Variants in ZMYND11 observed in about 807,000 individuals in gnomAD.
ZMYND11 encodes the protein zinc finger MYND-type containing 11.
Under a neutral mutation model 84.9 loss-of-function variants are expected in ZMYND11, and 9 were observed. The ratio of observed to expected loss-of-function variants is 0.11; its 90% CI spans 0.06 to 0.18. The LOEUF (loss-of-function observed/expected upper bound fraction) is 0.18. Among genes scored for constraint, ZMYND11 ranks in the 10% least tolerant of loss-of-function variants. ZMYND11 has a pLI of 1.00. For synonymous variants in ZMYND11, 250 were observed against 244.1 expected (o/e 1.02, Z -0.23); for missense variants, 409 against 761.0 (o/e 0.54, Z 5.44).
chr10:242,503 TTAAAGACA>T (rs1345902825), intron 10 of ZMYND11, among the ~76,000 whole-genome samples: 1 of 152,186 alleles, frequency 6.6e-6, no homozygotes, highest in Non-Finnish European at 1.5e-5. Flanking sequence ...CAAGGCTCAG[TTAAAGACA>T]TATAGACTAA....
chr10:248,195 C>T (rs919740133), intron 12 of ZMYND11, 141 bp from the exon 13 acceptor site: 3 of 1,047,858 alleles, frequency 2.9e-6, no homozygotes, highest in African/African-American at 3.2e-5. Context: ...GTGACATCTA[C>T]CACCCTAACT....
chr10:241,842 G>A (rs1951009676), intron 9 of ZMYND11, among the ~76,000 whole-genome samples, 179 bp from the exon 10 acceptor site: 1 of 151,946 alleles, frequency 6.6e-6, no homozygotes, highest in African/African-American at 2.4e-5. Flanking sequence ...GTTCATGTTG[G>A]CACTCTGATG....
chr10:232,615 G>GA (rs2131603834), intron 4 of ZMYND11, among the ~76,000 whole-genome samples: 1 of 152,324 alleles, frequency 6.6e-6, no homozygotes, highest in South Asian at 2.1e-4. Context: ...CAGTGCTTGA[G>GA]AAGGGCTTCA....
At chr10:162,312 C>A (rs1411639787) in intron 1 of ZMYND11, among the ~76,000 whole-genome samples, 1 of 152,026 alleles carries the variant, frequency 6.6e-6, no homozygotes, top group Non-Finnish European at 1.5e-5. Flanking sequence ...CACCATAACT[C>A]AATAACAATA....
intron 4 of ZMYND11, among the ~76,000 whole-genome samples, chr10:233,162 G>A (rs1380254317): frequency 1.3e-5 from 2 of 152,160 alleles, no homozygotes; most frequent in Non-Finnish European, 2.9e-5. Flanking sequence ...TCCCGCAGCC[G>A]ATTGTATCAG....
chr10:156,477 GT>G (rs1554759097), intron 1 of ZMYND11, among the ~76,000 whole-genome samples: 1 of 152,128 alleles, frequency 6.6e-6, no homozygotes, highest in Non-Finnish European at 1.5e-5. Context: ...GTATTTTGGT[GT>G]TTTATTTACA....
At chr10:134,886 G>C (rs1160755822), upstream of ZMYND11, 1 of 151,668 alleles carries the variant, frequency 6.6e-6, no homozygotes, top group South Asian at 2.1e-4. Context: ...GACAGGACGT[G>C]GGGAAGGTAG....
chr10:214,672 T>C (rs562953960), intron 3 of ZMYND11, among the ~76,000 whole-genome samples: 1 of 152,362 alleles, frequency 6.6e-6, no homozygotes, highest in African/African-American at 2.4e-5. Context: ...TTCAAGACTT[T>C]TTTCTTTTGA....
chr10:176,598 T>G (rs1157166313), intron 1 of ZMYND11, among the ~76,000 whole-genome samples: 1 of 152,192 alleles, frequency 6.6e-6, no homozygotes, highest in Non-Finnish European at 1.5e-5. Context: ...GTATCTTAGT[T>G]GAATTAAAAC....
At chr10:169,292 A>G (rs1012919067) in intron 1 of ZMYND11, among the ~76,000 whole-genome samples, 1 of 152,140 alleles carries the variant, frequency 6.6e-6, no homozygotes, top group African/African-American at 2.4e-5. Flanking sequence ...ATCTAATCAT[A>G]GGACTAAGAC....
intron 2 of ZMYND11, among the ~76,000 whole-genome samples, chr10:183,505 A>C (rs1346422326): frequency 6.6e-6 from 1 of 152,068 alleles, no homozygotes; most frequent in African/African-American, 2.4e-5. Flanking sequence ...CTCATTAAGG[A>C]CTGCCAAATG....
At chr10:225,272 A>C (rs1223333377) in intron 4 of ZMYND11, among the ~76,000 whole-genome samples, 2 of 152,246 alleles carry the variant, frequency 1.3e-5, no homozygotes, top group African/African-American at 4.8e-5. Flanking sequence ...ACCCATGTAC[A>C]TCAACAGCAC....
chr10:199,374 T>A (rs923570872), intron 2 of ZMYND11, among the ~76,000 whole-genome samples: 8 of 151,360 alleles, frequency 5.3e-5, no homozygotes, highest in African/African-American at 1.7e-4. Flanking sequence ...TGCATGTACG[T>A]ATGTATATGC....
intron 4 of ZMYND11, among the ~76,000 whole-genome samples, chr10:234,252 A>G (rs1156635020): frequency 6.6e-6 from 1 of 152,266 alleles, no homozygotes; most frequent in African/African-American, 2.4e-5. Flanking sequence ...CACATAATGC[A>G]GCGCACGGCG....
At chr10:175,872 G>A (rs1846496854) in intron 1 of ZMYND11, among the ~76,000 whole-genome samples, 1 of 152,138 alleles carries the variant, frequency 6.6e-6, no homozygotes, top group South Asian at 2.1e-4. Flanking sequence ...AACATTTTAT[G>A]CAGTATACTG....
At chr10:229,327 T>G (rs1401608037) in intron 4 of ZMYND11, among the ~76,000 whole-genome samples, 1 of 152,184 alleles carries the variant, frequency 6.6e-6, no homozygotes, top group Non-Finnish European at 1.5e-5. Context: ...GAATCCACCT[T>G]GAGACGTTCT....
At chr10:142,746 T>C (rs969898792) in intron 1 of ZMYND11, among the ~76,000 whole-genome samples, 60 of 152,208 alleles carry the variant, frequency 3.9e-4, no homozygotes, top group Admixed American at 2.8e-3. Context: ...ACTCTGCTTA[T>C]AAAAGCAGGA....
intron 1 of ZMYND11, among the ~76,000 whole-genome samples, chr10:153,107 GATGTACTGAT>G (rs1840814004): frequency 6.6e-6 from 1 of 152,162 alleles, no homozygotes; most frequent in African/African-American, 2.4e-5. Flanking sequence ...CCGTGGTACT[GATGTACTGAT>G]ATGTTCTCTA....
intron 3 of ZMYND11, among the ~76,000 whole-genome samples, chr10:220,049 C>T (rs1186769781): frequency 6.6e-6 from 1 of 152,118 alleles, no homozygotes; most frequent in Non-Finnish European, 1.5e-5. Flanking sequence ...CAAGCAGTAA[C>T]ATGTTTGAAC....
Sources: gnomAD v4.1 joint callset for allele counts (sites outside exome capture counted in the v4.1 genomes callset) on GRCh38, gnomAD v4.1.1 for gene constraint, MANE v1.5 for transcripts, NCBI Gene and HGNC (gene_info 2026-07-23, HGNC 2026-07-21) for gene names.